TEX264: variants seen among roughly 807,000 people sequenced by gnomAD.
TEX264 encodes testis-expressed protein 264.
TEX264 carries 13 observed loss-of-function variants against 23.4 expected under a neutral mutation model. The observed-to-expected ratio is 0.56, with a 90% confidence interval of 0.36 to 0.88. The LOEUF is 0.88. Among genes scored for constraint, TEX264 ranks in the 40% least tolerant of loss-of-function variants. The pLI is 0.01. For missense variants in TEX264, 340 were observed against 406.8 expected (o/e 0.84, Z 1.41); for synonymous variants, 159 against 170.0 (o/e 0.94, Z 0.50).
chr3:51,676,739 C>T (rs576993626), intron 2 of TEX264, among the ~76,000 whole-genome samples: 1 of 152,354 alleles, frequency 6.6e-6, no homozygotes, highest in South Asian at 2.1e-4. Flanking sequence ...ACTTAGCCCT[C>T]AACAGATGCT....
intron 2 of TEX264, among the ~76,000 whole-genome samples, chr3:51,680,372 A>C (rs1451079073): frequency 6.6e-6 from 1 of 152,070 alleles, no homozygotes; most frequent in Non-Finnish European, 1.5e-5. Flanking sequence ...AGCCTCACAC[A>C]ATAGGGTCGG....
At chr3:51,679,108 C>G (rs958312786) in intron 2 of TEX264, among the ~76,000 whole-genome samples, 2 of 152,186 alleles carry the variant, frequency 1.3e-5, no homozygotes, top group African/African-American at 4.8e-5. Context: ...GAAGGGGCTT[C>G]GGATTTGCCC....
At chr3:51,698,719 C>A (rs1703165140) in intron 3 of TEX264, among the ~76,000 whole-genome samples, 1 of 152,196 alleles carries the variant, frequency 6.6e-6, no homozygotes, top group Non-Finnish European at 1.5e-5. Context: ...GGGTCTCCCT[C>A]TTCCCCATCA....
intron 2 of TEX264, chr3:51,682,639 G>A (rs181935743): frequency 6.6e-6 from 1 of 152,332 alleles, no homozygotes; most frequent in Admixed American, 6.5e-5. Flanking sequence ...TAATATGGCA[G>A]TTCTGTAAGT....
intron 2 of TEX264, among the ~76,000 whole-genome samples, chr3:51,675,176 G>A (rs1341379831): frequency 1.3e-5 from 2 of 152,228 alleles, no homozygotes; most frequent in Non-Finnish European, 2.9e-5. Flanking sequence ...TACTTAGAAT[G>A]TTCAGAATGC....
intron 3 of TEX264, among the ~76,000 whole-genome samples, chr3:51,689,036 T>C (rs1378264857): frequency 2.6e-5 from 4 of 152,060 alleles, no homozygotes; most frequent in Non-Finnish European, 5.9e-5. Flanking sequence ...GGAGGATCGC[T>C]TGAGCCTGGG....
intron 3 of TEX264, among the ~76,000 whole-genome samples, chr3:51,697,659 T>C (rs1335547856): frequency 6.6e-6 from 1 of 152,196 alleles, no homozygotes; most frequent in Non-Finnish European, 1.5e-5. Context: ...TTTGCTGAGT[T>C]GGGTTCAGGT....
intron 3 of TEX264, among the ~76,000 whole-genome samples, chr3:51,698,971 G>A (rs1237173361): frequency 6.6e-6 from 1 of 152,146 alleles, no homozygotes; most frequent in East Asian, 1.9e-4. Context: ...GTGGAGAGGA[G>A]GTCAGGGCCA....
chr3:51,683,087 G>T, intron 2 of TEX264: 1 of 154,386 alleles, frequency 6.5e-6, no homozygotes. Context: ...GGAGTAAGTG[G>T]AGGTAGAGGG....
rs1449557182 is a variant in TEX264 at position 51,703,471 on chromosome 3, A to C, written c.650-253A>C. 6.6e-6 allele frequency among the ~76,000 whole-genome samples: 1 copy of C among 151,826 alleles called. No homozygotes were observed. Among genetic ancestry groups the C allele is most frequent in the Non-Finnish European group, 1.5e-5 (1 of 67,970 alleles). ...GCTGAGGCTAATTTAGAGTGGGGAG[A>C]AGAGTGCACAGCTGCCTCCTCCCAC... On this transcript the variant is annotated intron_variant, in intron 4 of 4. Transcript: ENST00000341333. This position sits in a 1 kb window ranked among gnomAD's most constrained non-coding sequence, Gnocchi z 4.8.
chr3:51,699,172 C>G (rs1234297311), intron 3 of TEX264, among the ~76,000 whole-genome samples: 1 of 152,146 alleles, frequency 6.6e-6, no homozygotes, highest in South Asian at 2.1e-4. Context: ...ACCACCTGCC[C>G]TAGGGTGTCG....
chr3:51,688,217 G>A (rs546515088), intron 3 of TEX264, among the ~76,000 whole-genome samples: 2 of 152,344 alleles, frequency 1.3e-5, no homozygotes, highest in African/African-American at 2.4e-5. Flanking sequence ...GCTGCAGGAT[G>A]GAACAGAGCT....
chr3:51,677,958 G>A (rs889145092), intron 2 of TEX264, among the ~76,000 whole-genome samples: 1 of 152,166 alleles, frequency 6.6e-6, no homozygotes, highest in African/African-American at 2.4e-5. Flanking sequence ...AGGGGCTCAT[G>A]GGTGTACTCA....
chr3:51,674,578 G>T lies in TEX264; in HGVS notation c.258+16G>T. On this transcript the variant is annotated intron_variant, in intron 2 of 4. Coordinates refer to ENST00000341333, the MANE Select transcript of TEX264 (RefSeq NM_015926.6). ...CCCCCACATGGTAAGGAGTCTCCAT[G>T]GGGTTCTGCCCCATGGATGGGCCTG... is the stretch of plus-strand genomic sequence containing the variant. 6.2e-7 allele frequency: 1 copy of T among 1,612,676 alleles called. No homozygotes were observed. The highest frequency in any genetic ancestry group is 8.5e-7 in the Non-Finnish European group (1 of 1,179,030).
At chr3:51,696,260 C>G (rs944463386) in intron 3 of TEX264, among the ~76,000 whole-genome samples, 1 of 152,116 alleles carries the variant, frequency 6.6e-6, no homozygotes, top group African/African-American at 2.4e-5. Flanking sequence ...TGTGCCAGGG[C>G]TAGGAGGACC....
chr3:51,687,499 C>T (rs1039683686), intron 3 of TEX264, among the ~76,000 whole-genome samples: 5 of 152,222 alleles, frequency 3.3e-5, no homozygotes, highest in South Asian at 2.1e-4. Context: ...AGACTAGTTG[C>T]GTCTCACTCT....
chr3:51,672,895 G>T (rs1189893818), intron 1 of TEX264, among the ~76,000 whole-genome samples: 1 of 152,186 alleles, frequency 6.6e-6, no homozygotes, highest in Non-Finnish European at 1.5e-5. Context: ...AAGAAAATTG[G>T]AATGAAAGTT....
intron 3 of TEX264, among the ~76,000 whole-genome samples, chr3:51,693,358 A>G (rs1702898193): frequency 6.6e-6 from 1 of 152,054 alleles, no homozygotes; most frequent in Non-Finnish European, 1.5e-5. Context: ...GTTCCCACCC[A>G]GGCCTGGACC....
intron 4 of TEX264, among the ~76,000 whole-genome samples, chr3:51,699,836 C>A (rs1357744154): frequency 2.6e-5 from 4 of 152,282 alleles, no homozygotes; most frequent in Non-Finnish European, 5.9e-5. Flanking sequence ...CCTGGATTCC[C>A]TCCAGATGCA....
Sources: gnomAD v4.1 joint callset for allele counts (sites outside exome capture counted in the v4.1 genomes callset) on GRCh38, gnomAD v4.1.1 for gene constraint, Gnocchi (gnomAD v3.1) non-coding constraint, MANE v1.5 for transcripts, NCBI Gene and HGNC (gene_info 2026-07-23, HGNC 2026-07-21) for gene names.